DPF3: variants seen among roughly 807,000 people sequenced by gnomAD.
DPF3 encodes the protein zinc finger protein DPF3.
Under a neutral mutation model 56.8 loss-of-function variants are expected in DPF3, and 18 were observed. The ratio of observed to expected loss-of-function variants is 0.32; its 90% confidence interval spans 0.22 to 0.47. The LOEUF is 0.47. Ranked by LOEUF, DPF3 falls within the 20% of genes least tolerant of loss-of-function variation. DPF3 has a pLI of 1.00. For synonymous variants in DPF3, 188 were observed against 180.2 expected (o/e 1.04, Z -0.35); for missense variants, 403 against 488.8 (o/e 0.82, Z 1.65).
At chr14:72,805,410 C>T (rs534755283) in intron 1 of DPF3, among the ~76,000 whole-genome samples, 4 of 151,640 alleles carry the variant, frequency 2.6e-5, no homozygotes, top group East Asian at 1.9e-4. Context: ...GCAGAGGTTG[C>T]GGTGATCTGA....
At chr14:72,738,594 A>C (rs1001103059) in intron 3 of DPF3, among the ~76,000 whole-genome samples, 2 of 152,096 alleles carry the variant, frequency 1.3e-5, no homozygotes, top group African/African-American at 4.8e-5. Context: ...GGGTGGTGGG[A>C]GTGGACAGAG....
intron 8 of DPF3, among the ~76,000 whole-genome samples, chr14:72,650,710 T>G (rs1445133095): frequency 6.6e-6 from 1 of 152,150 alleles, no homozygotes; most frequent in Non-Finnish European, 1.5e-5. Flanking sequence ...TCCATCTGCC[T>G]CTTCAAGGTA....
chr14:72,872,981 C>A (rs1037298648), intron 1 of DPF3, among the ~76,000 whole-genome samples: 6 of 152,120 alleles, frequency 3.9e-5, no homozygotes, highest in Non-Finnish European at 5.9e-5. Flanking sequence ...AGAAGAAAAC[C>A]TAGGCAATAC....
intron 1 of DPF3, among the ~76,000 whole-genome samples, chr14:72,818,395 T>C (rs909357935): frequency 1.3e-5 from 2 of 152,150 alleles, no homozygotes; most frequent in Non-Finnish European, 2.9e-5. Context: ...AAAGACATTG[T>C]TATGCTGGGT....
At chr14:72,861,552 A>G (rs1885405849) in intron 1 of DPF3, among the ~76,000 whole-genome samples, 1 of 152,096 alleles carries the variant, frequency 6.6e-6, no homozygotes, top group Non-Finnish European at 1.5e-5. Flanking sequence ...ACACCTTGCT[A>G]ATATAACCAG....
chr14:72,688,330 G>A (rs570593694), intron 7 of DPF3, among the ~76,000 whole-genome samples: 9 of 147,914 alleles, frequency 6.1e-5, no homozygotes, highest in African/African-American at 2.3e-4. Flanking sequence ...TGGGTGGATG[G>A]ATCGATGACG....
rs142844118 is a variant in DPF3 at position 72,795,457 on chromosome 14, G to A, written c.33-23564C>T. The stretch of plus-strand genomic sequence containing the variant: ...GAACTTCCATTTTCCCAACATTGTA[G>A]GGTTGATGTATCCTAAGGAATAAAG... On this transcript the variant is annotated intron_variant, in intron 1 of 10. Transcript: ENST00000556509. 4.8e-3 allele frequency among the ~76,000 whole-genome samples: 728 copies of A among 151,992 alleles called. 5 individuals carry two copies. The highest frequency in any genetic ancestry group is 0.016 in the African/African-American group (683 of 41,440).
chr14:72,612,482 T>C lies in DPF3; in HGVS notation c.*6815A>G, dbSNP rs971496495. ...GGCTTCTTCAACTACATGTTGAAAA[T>C]GTGCACGGGGTATATTTTCTTTTTC... On this transcript the variant is annotated 3_prime_UTR_variant, in exon 11 of 11. Transcript: ENST00000556509. The C allele has an allele frequency of 1.9e-6, 1 of 518,456 alleles. No homozygotes were observed. The highest frequency in any genetic ancestry group is 1.9e-5 in the Admixed American group (1 of 51,510). The allele number at this position is 518,456 out of a possible 1,614,324, so 32.1% of individuals were successfully genotyped here. A position where few individuals can be genotyped will look rare whatever the true frequency, so the allele number is the denominator to read the frequency against.
chr14:72,661,834 A>G, intron 8 of DPF3: 2 of 979,946 alleles, frequency 2.0e-6, no homozygotes, highest in African/African-American at 3.6e-5. Flanking sequence ...ATATCACCTC[A>G]GCTGATGCTT....
intron 8 of DPF3, among the ~76,000 whole-genome samples, chr14:72,650,649 C>T (rs371906377): frequency 4.1e-4 from 63 of 152,310 alleles, no homozygotes; most frequent in African/African-American, 1.4e-3. Context: ...GTGCACACCC[C>T]ATAGGTACCC....
Position 72,838,906 on chromosome 14 carries a change from T to TATATATATATATATATATATATATATA in DPF3, c.32+55150_32+55151insTATATATATATATATATATATATATAT, listed in dbSNP as rs375598670. ...TCTATCATATATATTATCATATATA[T>TATATATATATATATATATATATATATA]TCTTTTTTTTTTTTTTTTTTTTTTT... On this transcript the variant is annotated intron_variant, in intron 1 of 10. Transcript: ENST00000556509. 1.5e-3 allele frequency among the ~76,000 whole-genome samples: 133 copies of TATATATATATATATATATATATATATA among 87,606 alleles called. 16 individuals are homozygous for TATATATATATATATATATATATATATA. Among genetic ancestry groups the TATATATATATATATATATATATATATA allele is most frequent in the South Asian group, 3.3e-3 (9 of 2,718 alleles). The allele number at this position is 87,606 out of a possible 152,430, so 57.5% of individuals were successfully genotyped here. A position where few individuals can be genotyped will look rare whatever the true frequency, so the allele number is the denominator to read the frequency against.
chr14:72,749,784 T>C (rs1337568970), intron 3 of DPF3, among the ~76,000 whole-genome samples: 1 of 151,620 alleles, frequency 6.6e-6, no homozygotes, highest in African/African-American at 2.4e-5. Flanking sequence ...TCTGGGGAAG[T>C]TGAGGCTGCA....
intron 1 of DPF3, among the ~76,000 whole-genome samples, chr14:72,774,359 C>G (rs1891671469): frequency 6.8e-6 from 1 of 147,718 alleles, no homozygotes; most frequent in Non-Finnish European, 1.5e-5. Context: ...CTCTAGTTTT[C>G]ATTTTTTGAG....
intron 3 of DPF3, 80 bp from the exon 4 acceptor site, chr14:72,732,014 G>T: frequency 6.6e-7 from 1 of 1,514,298 alleles, no homozygotes. Flanking sequence ...GGACACGCAG[G>T]GCCCAGGGCT....
intron 1 of DPF3, among the ~76,000 whole-genome samples, chr14:72,847,570 G>T (rs145283554): frequency 6.6e-6 from 1 of 151,686 alleles, no homozygotes. Context: ...GGAGTGCAGT[G>T]GCTCAATCTG....
intron 3 of DPF3, among the ~76,000 whole-genome samples, chr14:72,739,690 C>T (rs1890048808): frequency 1.3e-5 from 2 of 152,322 alleles, no homozygotes; most frequent in South Asian, 2.1e-4. Flanking sequence ...GACGCTGGTG[C>T]TGCTCCAAGT....
At chr14:72,652,260 G>A (rs979665954) in intron 8 of DPF3, among the ~76,000 whole-genome samples, 5 of 152,188 alleles carry the variant, frequency 3.3e-5, no homozygotes, top group Non-Finnish European at 7.3e-5. Flanking sequence ...AAGACAGAGG[G>A]CCCTTCCCCA....
chr14:72,843,453 A>T (rs866519008), intron 1 of DPF3, among the ~76,000 whole-genome samples: 1 of 152,240 alleles, frequency 6.6e-6, no homozygotes, highest in Non-Finnish European at 1.5e-5. Flanking sequence ...GAAGCCAGAG[A>T]TGGAAAAGAT....
Position 72,674,241 on chromosome 14 carries a change from A to G in DPF3, c.870T>C (p.Ser290=). Reference sequence around the variant, plus strand: ...GGTGTGGGAAGGGGCCACACTCACCAGAGCGTCCACAGTCTGCGCAGGACA... The same window carrying G: ...GGTGTGGGAAGGGGCCACACTCACCGGAGCGTCCACAGTCTGCGCAGGACA... The part of the protein sequence containing the change: ...ELVSCADCGR[S]GHPTCLQFTL... The change falls in exon 8 of 11, where the codon TCT becomes TCC. Residue 290 remains serine (S), a splice_region_variant and synonymous_variant. Coordinates refer to ENST00000556509, the MANE Select transcript of DPF3 (RefSeq NM_001280542.3). 1 of 1,612,264 alleles carries G rather than the reference A, an allele frequency of 6.2e-7. No homozygotes were observed. Among genetic ancestry groups the G allele is most frequent in the East Asian group, 2.2e-5 (1 of 44,842 alleles).
Sources: allele counts gnomAD v4.1 joint callset (sites outside exome capture counted in the v4.1 genomes callset), GRCh38; gene constraint gnomAD v4.1.1; transcripts MANE v1.5; gene names NCBI Gene and HGNC (gene_info 2026-07-23, HGNC 2026-07-21).